Variants in ZNF385D observed in about 807,000 individuals in gnomAD.
ZNF385D encodes zinc finger protein 659.
In ZNF385D, 15 loss-of-function variants were observed where a neutral mutation model predicts 35.8. The ratio of observed to expected loss-of-function variants is 0.42; its 90% CI spans 0.28 to 0.64. The LOEUF (loss-of-function observed/expected upper bound fraction) is 0.64, where lower values mean the gene tolerates loss of function less well. Ranked by LOEUF, ZNF385D falls within the 30% of genes least tolerant of loss-of-function variation. ZNF385D has a pLI of 0.23. For missense variants in ZNF385D, 474 were observed against 494.6 expected, an observed-to-expected ratio of 0.96 and a Z score of 0.39; for synonymous variants, 212 against 186.8, an observed-to-expected ratio of 1.13 and a Z score of -1.10.
chr3:22,201,806 T>C (rs1696818470), intron 2 of ZNF385D, among the ~76,000 whole-genome samples: 1 of 151,304 alleles, frequency 6.6e-6, no homozygotes, highest in Non-Finnish European at 1.5e-5. Context: ...TGTGTATATA[T>C]ATACATATAT....
chr3:21,960,533 CTCAAAAAACT>C (rs1400398422), intron 3 of ZNF385D, among the ~76,000 whole-genome samples: 2 of 151,960 alleles, frequency 1.3e-5, no homozygotes, highest in African/African-American at 4.8e-5. Context: ...GTGGAGATTT[CTCAAAAAACT>C]AAAAATAAAA....
chr3:22,271,272 G>A (rs925459129), intron 2 of ZNF385D, among the ~76,000 whole-genome samples: 1 of 151,938 alleles, frequency 6.6e-6, no homozygotes, highest in African/African-American at 2.4e-5. Flanking sequence ...GAGGACAGGA[G>A]TAAAGAAAAG....
chr3:21,918,667 A>T (rs1700310545), intron 3 of ZNF385D, among the ~76,000 whole-genome samples: 1 of 152,216 alleles, frequency 6.6e-6, no homozygotes, highest in Non-Finnish European at 1.5e-5. Flanking sequence ...ACAATAAATT[A>T]TTCATTACTT....
At chr3:21,740,323 C>A (rs2069451038) in intron 1 of ZNF385D, among the ~76,000 whole-genome samples, 1 of 152,160 alleles carries the variant, frequency 6.6e-6, no homozygotes, top group Admixed American at 6.6e-5. Flanking sequence ...GAACATTTAA[C>A]GTCTGGGAGC....
chr3:21,631,327 A>G (rs898320921), intron 2 of ZNF385D, among the ~76,000 whole-genome samples: 2 of 152,034 alleles, frequency 1.3e-5, no homozygotes, highest in Non-Finnish European at 2.9e-5. Context: ...ATAGCAATCA[A>G]TATTTCCAGA....
rs141287987 is a variant in ZNF385D, at chr3:22,120,137, T to A, written c.325+48680A>T. 4.5e-4 allele frequency among the ~76,000 whole-genome samples: 68 copies of A among 152,186 alleles called. 1 individual carries two copies. In the East Asian group the frequency reaches 0.013, roughly 29 times the overall value. On this transcript the variant is annotated intron_variant, in intron 3 of 5. Transcript: ENST00000494108. ...GATTCACCATGTCCTGCTGCATTTT[T>A]TTTTAATGTGGGGGACTTAATGAAG... is the stretch of plus-strand genomic sequence containing the variant.
At chr3:21,622,166 G>C (rs1252820251) in intron 2 of ZNF385D, among the ~76,000 whole-genome samples, 1 of 151,934 alleles carries the variant, frequency 6.6e-6, no homozygotes, top group African/African-American at 2.4e-5. Context: ...TTTTATCCTA[G>C]ATAAAAGATG....
chr3:22,180,932 A>C (rs868758465), intron 2 of ZNF385D, among the ~76,000 whole-genome samples: 5 of 57,532 alleles, frequency 8.7e-5, no homozygotes, highest in African/African-American at 3.4e-4. Flanking sequence ...TTTTTTTTTA[A>C]GAGACAGCTT....
intron 2 of ZNF385D, among the ~76,000 whole-genome samples, chr3:22,203,734 G>A (rs1696960461): frequency 6.6e-6 from 1 of 152,060 alleles, no homozygotes; most frequent in South Asian, 2.1e-4. Flanking sequence ...GGACATGGAA[G>A]CAGACTCCTC....
At chr3:22,230,778 A>G (rs1201563865) in intron 2 of ZNF385D, among the ~76,000 whole-genome samples, 2 of 152,164 alleles carry the variant, frequency 1.3e-5, no homozygotes, top group Non-Finnish European at 2.9e-5. Flanking sequence ...TGTTAAGCTG[A>G]CCATGTTCTT....
chr3:21,977,368 G>A (rs12637218), intron 3 of ZNF385D, among the ~76,000 whole-genome samples: 42,575 of 152,048 alleles, frequency 0.28, 6,154 homozygotes, highest in East Asian at 0.33. Context: ...GAGTATGGTG[G>A]TGGTTGTCTA....
intron 2 of ZNF385D, among the ~76,000 whole-genome samples, chr3:22,178,943 T>C (rs1483948683): frequency 6.6e-6 from 1 of 151,706 alleles, no homozygotes; most frequent in Non-Finnish European, 1.5e-5. Context: ...CATTGGTCTA[T>C]ATCTCTGTTT....
At chr3:21,867,510 G>C (rs546248405) in intron 3 of ZNF385D, among the ~76,000 whole-genome samples, 2 of 152,190 alleles carry the variant, frequency 1.3e-5, no homozygotes, top group Admixed American at 1.3e-4. Flanking sequence ...GAGGAGTGCA[G>C]TAATCATGAA....
Position 21,771,781 on chromosome 3 carries a change from C to A in ZNF385D, c.326-106753G>T, listed in dbSNP as rs540133082. On this transcript the variant is annotated intron_variant, in intron 3 of 5. Transcript: ENST00000494108. ...TAAGACCATAAATAGCAAATACAAT[C>A]TTGAAAATAAATAACAAAGATGGAG... is the stretch of plus-strand genomic sequence containing the variant. 4.6e-5 allele frequency among the ~76,000 whole-genome samples: 7 copies of A among 151,812 alleles called. No individual in the cohort carries two copies. The South Asian group carries it at 1.5e-3, about 32-fold the overall frequency.
At chr3:21,514,819 A>T (rs1487835519) in intron 3 of ZNF385D, among the ~76,000 whole-genome samples, 1 of 152,058 alleles carries the variant, frequency 6.6e-6, no homozygotes, top group Non-Finnish European at 1.5e-5. Flanking sequence ...CGCTAAATTT[A>T]ATTTGTCTAT....
At chr3:21,768,448 C>T (rs1326384206) in intron 3 of ZNF385D, among the ~76,000 whole-genome samples, 2 of 151,892 alleles carry the variant, frequency 1.3e-5, no homozygotes. Context: ...TTTGATATAA[C>T]TCTTTTGGAA....
chr3:21,883,905 C>T (rs1160631552), intron 3 of ZNF385D, among the ~76,000 whole-genome samples: 1 of 152,004 alleles, frequency 6.6e-6, no homozygotes, highest in Non-Finnish European at 1.5e-5. Context: ...ATCCGTTTCA[C>T]TCTCTTCAGC....
intron 1 of ZNF385D, among the ~76,000 whole-genome samples, chr3:21,705,736 C>A (rs980993421): frequency 8.5e-5 from 13 of 152,192 alleles, no homozygotes; most frequent in Admixed American, 2.6e-4. Flanking sequence ...TTTCCACCAC[C>A]CCCAAAATCC....
At chr3:22,313,862 G>A (rs1703731674) in intron 2 of ZNF385D, among the ~76,000 whole-genome samples, 1 of 152,116 alleles carries the variant, frequency 6.6e-6, no homozygotes, top group Admixed American at 6.6e-5. Context: ...GGATTCAAAG[G>A]TGGAAAAGAT....
Sources: allele counts gnomAD v4.1 joint callset (sites outside exome capture counted in the v4.1 genomes callset), GRCh38; gene constraint gnomAD v4.1.1; transcripts MANE v1.5; gene names NCBI Gene and HGNC (gene_info 2026-07-23, HGNC 2026-07-21).